Variants in PABPC4 observed in about 807,000 individuals in gnomAD.
PABPC4 encodes poly(A) binding protein cytoplasmic 4, also known as polyadenylate-binding protein 4.
PABPC4 carries 15 observed loss-of-function variants against 74.5 expected under a neutral mutation model. The observed-to-expected ratio is 0.20, with a 90% CI of 0.13 to 0.31. The LOEUF (loss-of-function observed/expected upper bound fraction) is 0.31. PABPC4 is among the 10% of genes least tolerant of loss of function. The pLI, the probability that PABPC4 is intolerant of heterozygous loss-of-function variation, is 1.00. For synonymous variants in PABPC4, 345 were observed against 303.0 expected, an observed-to-expected ratio of 1.14 and a Z score of -1.44; for missense variants, 610 against 853.5, an observed-to-expected ratio of 0.71 and a Z score of 3.55.
chr1:39,571,492 C>A (rs867814735), intron 2 of PABPC4, 143 bp from the exon 3 acceptor site: 1 of 829,186 alleles, frequency 1.2e-6, no homozygotes, highest in Middle Eastern at 2.5e-4. Flanking sequence ...TTTCTAACAC[C>A]TAGCACAGCA....
chr1:39,566,886 CAA>C (rs1215181909), intron 7 of PABPC4, among the ~76,000 whole-genome samples: 4 of 152,168 alleles, frequency 2.6e-5, no homozygotes, highest in Admixed American at 1.3e-4. Context: ...GGCCTCTGGC[CAA>C]CTCCCTACTA....
At chr1:39,574,860 C>T (rs1199947937) in intron 1 of PABPC4, among the ~76,000 whole-genome samples, 3 of 152,246 alleles carry the variant, frequency 2.0e-5, no homozygotes, top group Non-Finnish European at 2.9e-5. Flanking sequence ...CCTCCTGCCA[C>T]GCCTGCAGCA....
chr1:39,568,098 A>G (rs1645878580), intron 6 of PABPC4: 9 of 297,632 alleles, frequency 3.0e-5, no homozygotes, highest in South Asian at 2.5e-4. Flanking sequence ...TCTACTAAAA[A>G]TACAAAAAAT....
intron 3 of PABPC4, among the ~76,000 whole-genome samples, chr1:39,570,329 G>C (rs1570392337): frequency 6.6e-6 from 1 of 152,360 alleles, no homozygotes. Context: ...GGTCTGGAAG[G>C]ATACAAACCA....
chr1:39,569,452 GAAGATGATCCCAGAGTATA>G (rs2124458763), intron 5 of PABPC4, 124 bp downstream of exon 5: 2 of 655,804 alleles, frequency 3.0e-6, no homozygotes, highest in African/African-American at 3.6e-5. Flanking sequence ...CGGAACCCAG[GAAGATGATCCCAGAGTATA>G]GTAATGGTAC....
chr1:39,571,016 C>T (rs1054621378), intron 3 of PABPC4: 14 of 1,400,060 alleles, frequency 1.0e-5, no homozygotes, highest in East Asian at 7.9e-5. Context: ...AAGGGAGAGG[C>T]GGCAGGCAGG....
chr1:39,565,519 T>C (rs779348267), intron 7 of PABPC4, 141 bp from the exon 8 acceptor site: 8 of 786,786 alleles, frequency 1.0e-5, no homozygotes, highest in Admixed American at 2.6e-5. Flanking sequence ...TTGAGCAATG[T>C]AGTGAGACCT....
chr1:39,575,201 C>A (rs1646006245), intron 1 of PABPC4, among the ~76,000 whole-genome samples: 1 of 152,188 alleles, frequency 6.6e-6, no homozygotes, highest in African/African-American at 2.4e-5. Flanking sequence ...GCACACGCAG[C>A]TTTTGTGGCA....
chr1:39,567,954 A>C (rs1376024141), intron 6 of PABPC4, 108 bp from the exon 7 acceptor site: 1 of 647,466 alleles, frequency 1.5e-6, no homozygotes, highest in South Asian at 1.9e-5. Flanking sequence ...ATCTTTGGGA[A>C]CTTGTTAGAA....
Position 39,562,393 on chromosome 1 carries a change from C to T in PABPC4, c.1692G>A (p.Val564=). The T allele has an allele frequency of 1.2e-6, 2 of 1,613,808 alleles. No homozygotes were observed. Among genetic ancestry groups the T allele is most frequent in the Non-Finnish European group, 8.5e-7 (1 of 1,179,936 alleles). The change falls in exon 13 of 16, where the codon GTG becomes GTA. Residue 564 remains valine (V), a synonymous_variant. Coordinates refer to ENST00000372858, the MANE Select transcript of PABPC4 (RefSeq NM_001135653.2). ...AGGCAGTCAGTGGCTCCTGCCCCTGCACATGGACCGCAGGCTGGGGTGCCT... is the reference window on the plus strand; with the variant it reads ...AGGCAGTCAGTGGCTCCTGCCCCTGTACATGGACCGCAGGCTGGGGTGCCT... ...PLQAPQPAVH[V]QGQEPLTASM...
At chr1:39,567,929 A>T (rs1011126039) in intron 6 of PABPC4, 83 bp from the exon 7 acceptor site, 2 of 710,082 alleles carry the variant, frequency 2.8e-6, no homozygotes, top group Admixed American at 5.2e-5. Flanking sequence ...GTGGCCCCAG[A>T]CCAGGAGCAC....
intron 7 of PABPC4, among the ~76,000 whole-genome samples, chr1:39,565,844 AAAAC>A: frequency 6.6e-6 from 1 of 151,430 alleles, no homozygotes; most frequent in Middle Eastern, 3.4e-3. Flanking sequence ...AAAACAAAAC[AAAAC>A]AAAACAAAAC....
chr1:39,565,018 C>T (rs1645816100), intron 8 of PABPC4, 88 bp downstream of exon 8: 1 of 1,412,496 alleles, frequency 7.1e-7, no homozygotes, highest in African/African-American at 1.4e-5. Context: ...TTCTAGAACT[C>T]TAATAACGAA....
rs775961961 is a variant in PABPC4, at chr1:39,569,683, G to A, written c.650C>T (p.Thr217Ile). 2 of 1,612,968 alleles carry A rather than the reference G, an allele frequency of 1.2e-6. No individual in the cohort carries two copies. Among genetic ancestry groups the A allele is most frequent in the Admixed American group, 1.7e-5 (1 of 60,030 alleles). ...ATCTCTCATCACCTTGACACTTAGG[G>A]TCTTACCTATTACCAAAGGACAGAA... is the stretch of plus-strand genomic sequence containing the variant. ...LKELFSQFGK[T>I]LSVKVMRDPN... Residue 217 changes from threonine to isoleucine, a missense_variant, in exon 5 of 16, where the codon ACC (threonine) becomes ATC (isoleucine). Physicochemically the swap from Thr to Ile is moderately conservative, Grantham distance 89. This residue lies in a region of PABPC4 where 304 missense variants were observed against 478.9 expected (regional missense o/e 0.63). Transcript: ENST00000372858.
At chr1:39,571,501 C>A (rs2124463879) in intron 2 of PABPC4, 152 bp from the exon 3 acceptor site, 2 of 721,768 alleles carry the variant, frequency 2.8e-6, no homozygotes, top group East Asian at 2.7e-5. Flanking sequence ...CCTAGCACAG[C>A]ACCAGGTGCC....
intron 13 of PABPC4, 43 bp from the exon 14 acceptor site, chr1:39,562,246 TAAA>T: frequency 6.2e-7 from 1 of 1,613,298 alleles, no homozygotes; most frequent in Non-Finnish European, 8.5e-7. Flanking sequence ...CAAATCCCAG[TAAA>T]CAATGGACAC....
intron 2 of PABPC4, chr1:39,571,767 G>C: frequency 2.7e-6 from 1 of 368,552 alleles, no homozygotes; most frequent in Non-Finnish European, 5.4e-6. Flanking sequence ...CAGCTACTTG[G>C]GAGGCTGAGG....
rs776367687 is a variant in PABPC4, at chr1:39,561,822, G to A, written c.1894-35C>T. On this transcript the variant is annotated intron_variant, in intron 14 of 15. Transcript: ENST00000372858. ...ATCTTCAGGTGGTCAGTGAATCTAG[G>A]AGAGCTACTCCACCCCTCCCCAGTG... 7.6e-6 allele frequency: 12 copies of A among 1,569,192 alleles called. No homozygotes were observed. In the Admixed American group the frequency reaches 1.3e-4, roughly 18 times the overall value.
Position 39,569,618 on chromosome 1 carries a change from C to T in PABPC4, c.715G>A (p.Glu239Lys), listed in dbSNP as rs945180727. 2.0e-5 allele frequency: 32 copies of T among 1,613,980 alleles called. No homozygotes were observed. Among genetic ancestry groups the T allele is most frequent in the Non-Finnish European group, 2.4e-5 (28 of 1,179,838 alleles). Residue 239 changes from glutamate (E) to lysine (K), a missense_variant, in exon 5 of 16, where the codon GAA becomes AAA. Physicochemically the swap from Glu to Lys is moderately conservative, Grantham distance 56. This residue lies in a region of PABPC4 where 304 missense variants were observed against 478.9 expected (regional missense o/e 0.63). Coordinates refer to ENST00000372858, the MANE Select transcript of PABPC4 (RefSeq NM_001135653.2). ...KSKGFGFVSY[E>K]KHEDANKAVE... ...ACCTTATTGGCATCCTCGTGTTTTT[C>T]GTAACTCACAAAGCCAAAGCCTTTG...
Sources: allele counts gnomAD v4.1 joint callset (sites outside exome capture counted in the v4.1 genomes callset), GRCh38; gene constraint gnomAD v4.1.1; regional missense constraint gnomAD v4.1.1; transcripts MANE v1.5; gene names NCBI Gene and HGNC (gene_info 2026-07-23, HGNC 2026-07-21).